Variants in PIPOX observed in about 807,000 individuals in gnomAD.
PIPOX encodes pipecolic acid and sarcosine oxidase.
PIPOX carries 45 observed loss-of-function variants against 47.9 expected under a neutral mutation model. The observed-to-expected ratio is 0.94, with a 90% CI of 0.74 to 1.20. The LOEUF (loss-of-function observed/expected upper bound fraction) is 1.20. PIPOX is among the 50% of genes most tolerant of loss of function. PIPOX has a pLI of 0.00. For missense variants in PIPOX, 458 were observed against 498.4 expected (o/e 0.92, Z 0.77); for synonymous variants, 165 against 191.3 (o/e 0.86, Z 1.13).
At chr17:29,055,990 A>C in intron 7 of PIPOX, 102 bp downstream of exon 7, 1 of 1,307,184 alleles carries the variant, frequency 7.7e-7, no homozygotes, top group Non-Finnish European at 1.1e-6. Context: ...ATAGGTGTGA[A>C]GCCTGGACAT....
At chr17:29,043,432 G>A in intron 1 of PIPOX, 93 bp downstream of exon 1, 1 of 794,534 alleles carries the variant, frequency 1.3e-6, no homozygotes, top group Non-Finnish European at 2.1e-6. Context: ...TACAGGGCAA[G>A]GCCAAAGGGA....
In PIPOX at chr17:29,053,344, A is replaced by G. The variant is rs2065814259; in HGVS notation, c.478-69A>G. On this transcript the variant is annotated intron_variant, in intron 3 of 7. Coordinates refer to ENST00000323372, the MANE Select transcript of PIPOX (RefSeq NM_016518.3). The stretch of plus-strand genomic sequence containing the variant: ...TGCACTCTTTTCTGCCCCAGGCAAA[A>G]GGCTTTCTGTCCACCAGGGTGAACC... 4.7e-6 allele frequency: 7 copies of G among 1,501,642 alleles called. No individual in the cohort carries two copies. The East Asian group carries it at 1.4e-4, about 29-fold the overall frequency. 93.0% of individuals were successfully genotyped at this position (1,501,642 alleles called of 1,614,324 possible). A position where few individuals can be genotyped will look rare whatever the true frequency, so the allele number is the denominator to read the frequency against.
intron 2 of PIPOX, among the ~76,000 whole-genome samples, chr17:29,049,259 C>A (rs551015101): frequency 6.6e-5 from 10 of 152,176 alleles, no homozygotes; most frequent in Admixed American, 4.6e-4. Flanking sequence ...GGTTCCCTGG[C>A]AACCCATGTG....
intron 1 of PIPOX, chr17:29,044,196 T>A (rs1191155486): frequency 3.3e-5 from 5 of 152,248 alleles, no homozygotes; most frequent in Non-Finnish European, 5.9e-5. Flanking sequence ...CCCTGAGTGA[T>A]CTGTAGCCAC....
chr17:29,046,727 C>T lies in PIPOX; in HGVS notation c.263+1720C>T, dbSNP rs553634203. 32 of 985,382 alleles carry T rather than the reference C, an allele frequency of 3.2e-5. No homozygotes were observed. In the East Asian group the frequency reaches 2.0e-3, roughly 63 times the overall value. 61.0% of individuals were successfully genotyped at this position (985,382 alleles called of 1,614,324 possible). A position where few individuals can be genotyped will look rare whatever the true frequency, so the allele number is the denominator to read the frequency against. ...CTTGGGTAGGAGACTCTCAGAAGCG[C>T]ACAATCCTCCTCTTTGCCAGGAGGA... On this transcript the variant is annotated intron_variant, in intron 2 of 7. Transcript: ENST00000323372.
At chr17:29,054,933 C>T (rs2065821276) in intron 5 of PIPOX, 130 bp from the exon 6 acceptor site, 2 of 1,293,206 alleles carry the variant, frequency 1.5e-6, no homozygotes, top group African/African-American at 1.5e-5. Context: ...TGACAGCCCA[C>T]AGCACCTGCC....
chr17:29,045,049 C>T lies in PIPOX; in HGVS notation c.263+42C>T, dbSNP rs753678866. 7 of 1,544,534 alleles carry T rather than the reference C, an allele frequency of 4.5e-6. No individual in the cohort carries two copies. In the East Asian group the frequency reaches 9.2e-5, roughly 20 times the overall value. On this transcript the variant is annotated intron_variant, in intron 2 of 7. Transcript: ENST00000323372. ...ATTCCTTGAATCGTGGGGCTCTGCA[C>T]CTGCAGGTACTTTTAGTGTGTGAAG...
rs899220160 is a variant in PIPOX, at chr17:29,056,617, G to A, written c.*312G>A. 8 of 417,566 alleles carry A rather than the reference G, an allele frequency of 1.9e-5. No individual in the cohort carries two copies. Among genetic ancestry groups the A allele is most frequent in the Admixed American group, 1.2e-4 (3 of 25,600 alleles). The allele number at this position is 417,566 out of a possible 1,614,324, so 25.9% of individuals were successfully genotyped here. Reference sequence around the variant, plus strand: ...TCTACAATCACAGAGTAGCAAGGACGTTTGAGATGGGTATATCAGTAAGAA... The same window carrying A: ...TCTACAATCACAGAGTAGCAAGGACATTTGAGATGGGTATATCAGTAAGAA... On this transcript the variant is annotated 3_prime_UTR_variant, in exon 8 of 8. Transcript: ENST00000323372.
Position 29,054,677 on chromosome 17 carries a change from C to A in PIPOX, c.793C>A (p.Pro265Thr), listed in dbSNP as rs544818032. 11 of 1,613,802 alleles carry A rather than the reference C, an allele frequency of 6.8e-6. No individual in the cohort carries two copies. Among genetic ancestry groups the A allele is most frequent in the Admixed American group, 1.7e-5 (1 of 59,974 alleles). ...CTACGGACTGCCCACAGGAGAGTAC[C>A]CAGGGCTGATGAAGGTGAGCGGAAA... ...HIYGLPTGEY[P>T]GLMKVSYHHG... Residue 265 changes from proline to threonine, a missense_variant, in exon 5 of 8, where the codon CCA becomes ACA. Pro to Thr is a conservative substitution (Grantham distance 38). Transcript: ENST00000323372.
rs140417099 is a variant in PIPOX at position 29,055,078 on chromosome 17, G to A, written c.823G>A (p.Gly275Ser). The A allele has an allele frequency of 3.1e-6, 5 of 1,614,128 alleles. No homozygotes were observed. The highest frequency in any genetic ancestry group is 1.7e-5 in the Admixed American group (1 of 60,022). The change falls in exon 6 of 8, where the codon GGC (glycine) becomes AGC (serine). Residue 275 changes from glycine to serine, a missense_variant. Physicochemically the swap from Gly to Ser is moderately conservative, Grantham distance 56. Transcript: ENST00000323372. ...TGGGAGCCAGGTCAGCTATCACCAC[G>A]GCAACCACGCAGACCCTGAGGAGCG... is the stretch of plus-strand genomic sequence containing the variant. The part of the protein sequence containing the change: ...PGLMKVSYHH[G>S]NHADPEERDC...
Position 29,043,318 on chromosome 17 carries a change from G to A in PIPOX, c.93G>A (p.Lys31=), listed in dbSNP as rs777278398. Residue 31 remains lysine, a synonymous_variant, in exon 1 of 8, where the codon AAG becomes AAA. Transcript: ENST00000323372. ...FTAYHLAKHR[K]RILLLEQFFL... is the part of the protein sequence containing the mutation. The stretch of plus-strand genomic sequence containing the variant: ...CATACCACCTGGCCAAACACAGGAA[G>A]AGGATCCTCCTGCTGGAGCAGGTAC... 5.6e-6 allele frequency: 9 copies of A among 1,613,340 alleles called. No homozygotes were observed. In the South Asian group the frequency reaches 9.9e-5, roughly 18 times the overall value.
At chr17:29,045,431 T>TTTTTTTTA (rs2065781891) in intron 2 of PIPOX, among the ~76,000 whole-genome samples, 1 of 115,348 alleles carries the variant, frequency 8.7e-6, no homozygotes, top group East Asian at 2.3e-4. Context: ...TTTTTTTTTT[T>TTTTTTTTA]GACAGAGTCT....
chr17:29,050,645 C>T (rs2065802349), intron 2 of PIPOX, among the ~76,000 whole-genome samples: 1 of 152,002 alleles, frequency 6.6e-6, no homozygotes, highest in South Asian at 2.1e-4. Context: ...TGAGATAGGC[C>T]TCTGCAACAC....
In PIPOX at chr17:29,055,061, A is replaced by G; in HGVS notation, c.808-2A>G. ...ACTCATGCCACTCTGATTGGGAGCCAGGTCAGCTATCACCACGGCAACCAC... is the reference window on the plus strand; with the variant it reads ...ACTCATGCCACTCTGATTGGGAGCCGGGTCAGCTATCACCACGGCAACCAC... On this transcript the variant is annotated splice_acceptor_variant, in intron 5 of 7. Transcript: ENST00000323372. LOFTEE classifies it high-confidence loss of function. 6.2e-7 allele frequency: 1 copy of G among 1,614,140 alleles called. No homozygotes were observed. The highest frequency in any genetic ancestry group is 1.3e-5 in the African/African-American group (1 of 75,048).
intron 7 of PIPOX, 54 bp downstream of exon 7, chr17:29,055,942 C>T: frequency 1.3e-6 from 2 of 1,491,516 alleles, no homozygotes; most frequent in Non-Finnish European, 1.9e-6. Context: ...ACCTCAGTGC[C>T]AGGTGAAATG....
At chr17:29,050,519 G>T (rs975090388) in intron 2 of PIPOX, among the ~76,000 whole-genome samples, 5 of 152,126 alleles carry the variant, frequency 3.3e-5, no homozygotes, top group African/African-American at 1.2e-4. Flanking sequence ...CATACTGTGT[G>T]ACTCTTGTGT....
rs959157137 is a variant in PIPOX, at chr17:29,056,450, A to C, written c.*145A>C. 17 of 903,368 alleles carry C rather than the reference A, an allele frequency of 1.9e-5. No individual in the cohort carries two copies. In the East Asian group the frequency reaches 4.5e-4, roughly 24 times the overall value. The allele number at this position is 903,368 out of a possible 1,614,324, so 56.0% of individuals were successfully genotyped here. On this transcript the variant is annotated 3_prime_UTR_variant, in exon 8 of 8. Coordinates refer to ENST00000323372, the MANE Select transcript of PIPOX (RefSeq NM_016518.3). ...CCATAAACACCAGATGATTGAGTCTACCTTCTTTCCTTGGCCCGCTCCCTT... is the reference window on the plus strand; with the variant it reads ...CCATAAACACCAGATGATTGAGTCTCCCTTCTTTCCTTGGCCCGCTCCCTT...
intron 6 of PIPOX, among the ~76,000 whole-genome samples, 176 bp from the exon 7 acceptor site, chr17:29,055,637 G>A (rs905022484): frequency 5.9e-5 from 9 of 152,184 alleles, no homozygotes; most frequent in Admixed American, 4.6e-4. Flanking sequence ...AAAGGCAGCC[G>A]GACAAATGAA....
rs566807974 is a variant in PIPOX at position 29,054,706 on chromosome 17, C to T, written c.807+15C>T. On this transcript the variant is annotated intron_variant, in intron 5 of 7. Coordinates refer to ENST00000323372, the MANE Select transcript of PIPOX (RefSeq NM_016518.3). ...GGCTGATGAAGGTGAGCGGAAAGAC[C>T]GAGATAAGGCAGGTAGATGCCAGTG... The T allele has an allele frequency of 9.3e-6, 15 of 1,610,924 alleles. No homozygotes were observed. Among genetic ancestry groups the T allele is most frequent in the African/African-American group, 5.3e-5 (4 of 74,918 alleles).
Sources: gnomAD v4.1 joint callset for allele counts (sites outside exome capture counted in the v4.1 genomes callset) on GRCh38, gnomAD v4.1.1 for gene constraint, MANE v1.5 for transcripts, NCBI Gene and HGNC (gene_info 2026-07-23, HGNC 2026-07-21) for gene names.